IRAK4: variants seen among roughly 807,000 people sequenced by gnomAD.
The protein encoded by IRAK4 is interleukin-1 receptor-associated kinase 4.
IRAK4 carries 44 observed loss-of-function variants against 51.8 expected under a neutral mutation model. The observed-to-expected ratio is 0.85, with a 90% CI of 0.67 to 1.09. The LOEUF is 1.09. IRAK4 is among the 50% of genes least tolerant of loss of function. The pLI is 0.00. For synonymous variants in IRAK4, 149 were observed against 174.1 expected (o/e 0.86, Z 1.13); for missense variants, 487 against 538.0 (o/e 0.91, Z 0.94).
chr12:43,775,206 C>CT lies in IRAK4; in HGVS notation c.716+1186dup, dbSNP rs747177916. On this transcript the variant is annotated intron_variant, in intron 6 of 11. Transcript: ENST00000613694. ...TGATACATGCTGAAAAAAGATCAAA[C>CT]TTTTTTTTTCAGGATTTGTCTTCTT... 2.6e-5 allele frequency among the ~76,000 whole-genome samples: 4 copies of CT among 151,842 alleles called. No homozygotes were observed. The East Asian group carries it at 7.7e-4, about 29-fold the overall frequency.
At chr12:43,765,142 C>T (rs4251447) in intron 1 of IRAK4, among the ~76,000 whole-genome samples, 12,639 of 152,256 alleles carry the variant, frequency 0.083, 1,274 homozygotes, top group African/African-American at 0.24. Context: ...GCATCTGCAG[C>T]TGATCTGGGT....
intron 6 of IRAK4, among the ~76,000 whole-genome samples, chr12:43,774,438 G>A (rs531110894): frequency 5.9e-5 from 9 of 152,072 alleles, no homozygotes; most frequent in Admixed American, 1.3e-4. Flanking sequence ...TAGTAGAGAC[G>A]GGGTTTCACC....
At chr12:43,776,114 C>T (rs1202179007) in intron 6 of IRAK4, among the ~76,000 whole-genome samples, 4 of 151,826 alleles carry the variant, frequency 2.6e-5, no homozygotes, top group Admixed American at 1.3e-4. Flanking sequence ...TTAGATCTGA[C>T]GTCGTGATCT....
intron 1 of IRAK4, among the ~76,000 whole-genome samples, chr12:43,760,604 G>A (rs4251429): frequency 3.7e-4 from 57 of 152,220 alleles, no homozygotes; most frequent in Non-Finnish European, 6.6e-4. Flanking sequence ...AGTGGGCCCA[G>A]TTCCAACCTT....
At chr12:43,761,627 T>A (rs919192846) in intron 1 of IRAK4, among the ~76,000 whole-genome samples, 2 of 152,186 alleles carry the variant, frequency 1.3e-5, no homozygotes, top group South Asian at 4.1e-4. Context: ...CACAGTTGGC[T>A]TTGGTTAGAA....
intron 1 of IRAK4, chr12:43,763,593 G>A (rs1452734026): frequency 6.6e-6 from 1 of 152,060 alleles, no homozygotes. Context: ...ATAAACAAAA[G>A]CCCTTTGGGG....
intron 5 of IRAK4, among the ~76,000 whole-genome samples, 195 bp downstream of exon 5, chr12:43,773,267 A>G (rs1007535920): frequency 1.3e-5 from 2 of 152,190 alleles, no homozygotes; most frequent in Non-Finnish European, 2.9e-5. Context: ...AAATGTGGTT[A>G]TGTCCATGTA....
chr12:43,766,747 G>A (rs1432592387), intron 1 of IRAK4, among the ~76,000 whole-genome samples: 1 of 152,026 alleles, frequency 6.6e-6, no homozygotes, highest in East Asian at 1.9e-4. Context: ...AACTGTACTG[G>A]GAAATAATTT....
chr12:43,784,872 G>A (rs538231996), intron 10 of IRAK4, among the ~76,000 whole-genome samples: 7 of 152,214 alleles, frequency 4.6e-5, no homozygotes, highest in Non-Finnish European at 5.9e-5. Context: ...AGATTCTGCC[G>A]TTGTCAAACA....
chr12:43,772,430 G>A, intron 4 of IRAK4, 68 bp downstream of exon 4: 14 of 1,393,670 alleles, frequency 1.0e-5, no homozygotes, highest in Non-Finnish European at 1.4e-5. Flanking sequence ...TTAAAAGAAA[G>A]CTCTTGCTCT....
intron 1 of IRAK4, among the ~76,000 whole-genome samples, chr12:43,763,827 A>G (rs1939830628): frequency 6.6e-6 from 1 of 151,970 alleles, no homozygotes; most frequent in Non-Finnish European, 1.5e-5. Flanking sequence ...CAAGTCACCA[A>G]TGGCCTTCTG....
intron 1 of IRAK4, among the ~76,000 whole-genome samples, chr12:43,759,962 A>G (rs1433515846): frequency 1.3e-5 from 2 of 152,122 alleles, no homozygotes; most frequent in Non-Finnish European, 2.9e-5. Flanking sequence ...TAGTGCTTCA[A>G]AAACGTAACT....
chr12:43,777,879 A>G (rs1941430202), intron 7 of IRAK4, 135 bp downstream of exon 7: 2 of 779,138 alleles, frequency 2.6e-6, no homozygotes, highest in African/African-American at 1.7e-5. Context: ...TACAGTTGAT[A>G]TGTCAACAAA....
chr12:43,771,065 A>G (rs1940706841), intron 2 of IRAK4, 155 bp from the exon 3 acceptor site: 1 of 730,978 alleles, frequency 1.4e-6, no homozygotes, highest in African/African-American at 1.7e-5. Flanking sequence ...CCCTAACCAG[A>G]TGCAGCCTCT....
chr12:43,780,401 G>C (rs4251513), intron 8 of IRAK4, among the ~76,000 whole-genome samples: 93,620 of 151,800 alleles, frequency 0.62, 30,619 homozygotes, highest in African/African-American at 0.86. Context: ...GGAGAGGATA[G>C]TATGGAAGAG....
intron 8 of IRAK4, 118 bp downstream of exon 8, chr12:43,778,420 A>T (rs940434585): frequency 2.9e-6 from 2 of 682,824 alleles, no homozygotes; most frequent in East Asian, 5.5e-5. Flanking sequence ...TTTTCCCATC[A>T]CTCCATGAAA....
At chr12:43,763,533 A>G (rs1939792083) in intron 1 of IRAK4, 1 of 152,174 alleles carries the variant, frequency 6.6e-6, no homozygotes, top group Non-Finnish European at 1.5e-5. Flanking sequence ...GTAATTTTTA[A>G]GTTTCTCAGC....
chr12:43,777,674 A>T lies in IRAK4; in HGVS notation c.761A>T (p.Asp254Val), dbSNP rs768303231. Reference sequence around the variant, plus strand: ...GTAGAACTACTTGGTTTCTCAAGTGATGGAGATGACCTCTGCTTAGTATAT... The same window carrying T: ...GTAGAACTACTTGGTTTCTCAAGTGTTGGAGATGACCTCTGCTTAGTATAT... The part of the protein sequence containing the change: ...NLVELLGFSS[D>V]GDDLCLVYVY... The change falls in exon 7 of 12, where the codon GAT becomes GTT. Residue 254 changes from aspartate to valine, a missense_variant. Asp to Val is a radical substitution (Grantham distance 152). Transcript: ENST00000613694. 6.2e-7 allele frequency: 1 copy of T among 1,610,848 alleles called. No homozygotes were observed. Among genetic ancestry groups the T allele is most frequent in the East Asian group, 2.2e-5 (1 of 44,698 alleles).
chr12:43,778,182 T>G lies in IRAK4; in HGVS notation c.832-11T>G, dbSNP rs764423762. On this transcript the variant is annotated splice_polypyrimidine_tract_variant and intron_variant, in intron 7 of 11. Coordinates refer to ENST00000613694, the MANE Select transcript of IRAK4 (RefSeq NM_016123.4). ...CTTTCTCATTTTTAATTTGGTTTAT[T>G]TCTTTATAAGGATGGTACTCCACCA... 15 of 1,499,460 alleles carry G rather than the reference T, an allele frequency of 1.0e-5. No individual in the cohort carries two copies. In the South Asian group the frequency reaches 1.6e-4, roughly 16 times the overall value. The allele number at this position is 1,499,460 out of a possible 1,614,324, so 92.9% of individuals were successfully genotyped here.
Sources: allele counts gnomAD v4.1 joint callset (sites outside exome capture counted in the v4.1 genomes callset), GRCh38; gene constraint gnomAD v4.1.1; transcripts MANE v1.5; gene names NCBI Gene and HGNC (gene_info 2026-07-23, HGNC 2026-07-21).